DPP6: variants seen among roughly 807,000 people sequenced by gnomAD.
DPP6 encodes the protein A-type potassium channel modulatory protein DPP6.
Under a neutral mutation model 122.6 loss-of-function variants are expected in DPP6, and 69 were observed. The observed-to-expected ratio is 0.56, with a 90% CI of 0.46 to 0.69. DPP6 has a LOEUF of 0.69. Among genes scored for constraint, DPP6 ranks in the 30% least tolerant of loss-of-function variants. The probability of loss-of-function intolerance (pLI) is 0.00; values close to 1 mark genes in which losing one functional copy is unlikely to be tolerated. For missense variants in DPP6, 928 were observed against 1,116.9 expected (o/e 0.83, Z 2.41); for synonymous variants, 418 against 433.1 (o/e 0.97, Z 0.43).
chr7:154,471,662 CAG>C lies in DPP6; in HGVS notation c.359-3275_359-3274del, dbSNP rs553000619. Among the ~76,000 whole-genome samples the C allele has an allele frequency of 2.2e-4, 34 of 152,140 alleles. No homozygotes were observed. In the East Asian group the frequency reaches 6.4e-3, roughly 29 times the overall value. On this transcript the variant is annotated intron_variant, in intron 2 of 25. Coordinates refer to ENST00000377770, the MANE Select transcript of DPP6 (RefSeq NM_130797.4). ...CTCAAGACCCAGAACACTTGTAAGA[CAG>C]AAGCTTACAACCAAGAACCACAAAG... is the stretch of plus-strand genomic sequence containing the variant.
At chr7:154,355,623 G>A (rs1176745691) in intron 1 of DPP6, among the ~76,000 whole-genome samples, 1 of 152,142 alleles carries the variant, frequency 6.6e-6, no homozygotes, top group African/African-American at 2.4e-5. Context: ...AAGACACCAT[G>A]CTTTCCCCCA....
chr7:154,573,824 C>A (rs952028842), intron 5 of DPP6, among the ~76,000 whole-genome samples: 2 of 152,204 alleles, frequency 1.3e-5, no homozygotes, highest in Non-Finnish European at 2.9e-5. Context: ...AAGGCTAAGC[C>A]TGTGTAAGCA....
chr7:154,186,053 G>A (rs1798338921), intron 1 of DPP6, among the ~76,000 whole-genome samples: 1 of 152,208 alleles, frequency 6.6e-6, no homozygotes, highest in Non-Finnish European at 1.5e-5. Context: ...TTTGGGATTA[G>A]CCTCTTGGTT....
Position 154,703,936 on chromosome 7 carries a change from C to CAA in DPP6, c.763-23818_763-23817dup, listed in dbSNP as rs201268829. Among the ~76,000 whole-genome samples, 47 of 122,736 alleles carry CAA rather than the reference C, an allele frequency of 3.8e-4. No homozygotes were observed. The Middle Eastern group carries it at 0.014, about 36-fold the overall frequency. The allele number at this position is 122,736 out of a possible 152,430, so 80.5% of individuals were successfully genotyped here. On this transcript the variant is annotated intron_variant, in intron 7 of 25. Transcript: ENST00000377770. ...TGGGTGACAGAGCGAGACTCTGTCT[C>CAA]AAAAAAAAAAAAAAGAAAAATACGT...
At chr7:154,086,620 CTTT>C (rs1177763713) in intron 1 of DPP6, among the ~76,000 whole-genome samples, 4 of 136,546 alleles carry the variant, frequency 2.9e-5, no homozygotes, top group Non-Finnish European at 4.7e-5. Context: ...AGAGCTTACT[CTTT>C]TTTTTTTTTT....
rs140849382 is a variant in DPP6, at chr7:154,789,647, C to A, written c.1137-4432C>A. Among the ~76,000 whole-genome samples, 9 of 152,290 alleles carry A rather than the reference C, an allele frequency of 5.9e-5. No individual in the cohort carries two copies. The East Asian group carries it at 1.5e-3, about 26-fold the overall frequency. On this transcript the variant is annotated intron_variant, in intron 10 of 25. Transcript: ENST00000377770. ...CCAGGCACCACTGCTTGCTGGAGAC[C>A]TCTGTCTGGAGAGTCCACACTCGAT...
chr7:154,580,550 G>T (rs1831995150), intron 5 of DPP6, among the ~76,000 whole-genome samples: 1 of 152,132 alleles, frequency 6.6e-6, no homozygotes, highest in Non-Finnish European at 1.5e-5. Flanking sequence ...GGGTCCAAGG[G>T]AGTCAGTCTG....
At chr7:154,396,899 C>T (rs1254508934) in intron 1 of DPP6, among the ~76,000 whole-genome samples, 3 of 152,128 alleles carry the variant, frequency 2.0e-5, no homozygotes, top group South Asian at 2.1e-4. Context: ...GAGCTGGGAT[C>T]GCGCCACTGC....
the DPP6 span, among the ~76,000 whole-genome samples, chr7:153,790,739 C>T: frequency 6.6e-6 from 1 of 152,136 alleles, no homozygotes; most frequent in Admixed American, 6.5e-5. Context: ...CATGATCTGT[C>T]GTGTCCATTT....
At chr7:154,829,345 T>C (rs2150517462) in intron 16 of DPP6, among the ~76,000 whole-genome samples, 1 of 150,204 alleles carries the variant, frequency 6.7e-6, no homozygotes, top group Non-Finnish European at 1.5e-5. Flanking sequence ...ATTGTGCCAC[T>C]GCAAGCCAGC....
At chr7:154,337,315 C>A (rs1018697223) in intron 1 of DPP6, among the ~76,000 whole-genome samples, 2 of 152,214 alleles carry the variant, frequency 1.3e-5, no homozygotes, top group Non-Finnish European at 2.9e-5. Context: ...CTTTCTCAGT[C>A]TCCTCCTAAA....
intron 1 of DPP6, among the ~76,000 whole-genome samples, chr7:154,144,232 G>T (rs1457075945): frequency 6.6e-6 from 1 of 151,786 alleles, no homozygotes; most frequent in Admixed American, 6.6e-5. Flanking sequence ...TTCTCCTAAT[G>T]CTTTGCAAGT....
chr7:154,170,135 A>G (rs1048501353), intron 1 of DPP6, among the ~76,000 whole-genome samples: 5 of 152,116 alleles, frequency 3.3e-5, no homozygotes, highest in African/African-American at 1.2e-4. Context: ...TGTAGGTTGC[A>G]CTGATTTGCT....
At chr7:154,250,405 G>A (rs536896126) in intron 1 of DPP6, among the ~76,000 whole-genome samples, 76 of 152,230 alleles carry the variant, frequency 5.0e-4, no homozygotes, top group Admixed American at 3.9e-4. Flanking sequence ...TTGGGAGGGC[G>A]TGTGGGTGCG....
In DPP6 at chr7:154,772,900, C is replaced by G; in HGVS notation, c.1094C>G (p.Thr365Ser). ...CACGTTATTGGCTTAAATGGACCCA[C>G]CCATGATCTGGAGATGATGCCGCCT... The part of the protein sequence containing the change: ...SLHVIGLNGP[T>S]HDLEMMPPDD... The change falls in exon 10 of 26, where the codon ACC (threonine) becomes AGC (serine). Residue 365 changes from threonine (T) to serine (S), a missense_variant. Thr to Ser is a moderately conservative substitution (Grantham distance 58). Transcript: ENST00000377770. 1 of 1,612,960 alleles carries G rather than the reference C, an allele frequency of 6.2e-7. No homozygotes were observed. Among genetic ancestry groups the G allele is most frequent in the Non-Finnish European group, 8.5e-7 (1 of 1,179,564 alleles).
chr7:154,571,622 T>G (rs1468074179), intron 5 of DPP6, among the ~76,000 whole-genome samples: 1 of 152,224 alleles, frequency 6.6e-6, no homozygotes, highest in Admixed American at 6.5e-5. Context: ...TTGAAATGAT[T>G]GTTCTTAGTC....
chr7:154,426,582 A>C (rs535740818), intron 1 of DPP6, among the ~76,000 whole-genome samples: 66 of 152,150 alleles, frequency 4.3e-4, no homozygotes, highest in Non-Finnish European at 8.8e-4. Flanking sequence ...TGATTGGGAC[A>C]TACAAGTGGA....
intron 1 of DPP6, among the ~76,000 whole-genome samples, chr7:153,931,591 T>G (rs2129013254): frequency 6.6e-6 from 1 of 152,370 alleles, no homozygotes; most frequent in African/African-American, 2.4e-5. Context: ...TTAAATTCAT[T>G]ATTCTGTCAG....
intron 1 of DPP6, among the ~76,000 whole-genome samples, chr7:153,952,409 T>C (rs1267336646): frequency 1.3e-5 from 2 of 152,246 alleles, no homozygotes; most frequent in Non-Finnish European, 1.5e-5. Flanking sequence ...ACATCACTTA[T>C]ATCACTAGGT....
Sources: gnomAD v4.1 joint callset for allele counts (sites outside exome capture counted in the v4.1 genomes callset) on GRCh38, gnomAD v4.1.1 for gene constraint, MANE v1.5 for transcripts, NCBI Gene and HGNC (gene_info 2026-07-23, HGNC 2026-07-21) for gene names.